Variants in ADAM22 observed in about 807,000 individuals in gnomAD.
The protein encoded by ADAM22 is disintegrin and metalloproteinase domain-containing protein 22.
ADAM22 carries 65 observed loss-of-function variants against 144.6 expected under a neutral mutation model. The observed-to-expected ratio is 0.45, with a 90% CI of 0.37 to 0.55. The LOEUF is 0.55. Among genes scored for constraint, ADAM22 ranks in the 20% least tolerant of loss-of-function variants. The probability of loss-of-function intolerance (pLI) is 0.00; values close to 1 mark genes in which losing one functional copy is unlikely to be tolerated. For missense variants in ADAM22, 974 were observed against 1,184.9 expected (o/e 0.82, Z 2.61); for synonymous variants, 391 against 412.6 (o/e 0.95, Z 0.63).
intron 3 of ADAM22, among the ~76,000 whole-genome samples, chr7:87,986,367 A>T (rs2129450608): frequency 6.6e-6 from 1 of 152,282 alleles, no homozygotes; most frequent in East Asian, 1.9e-4. Context: ...TTGGCTGCAA[A>T]GTCCAGAGCA....
intron 3 of ADAM22, among the ~76,000 whole-genome samples, chr7:87,985,189 T>C (rs1391503782): frequency 3.3e-5 from 5 of 151,490 alleles, no homozygotes; most frequent in African/African-American, 9.7e-5. Flanking sequence ...GGCAGGCGCC[T>C]GTAGTCCCGG....
At chr7:87,998,536 G>A (rs906881996) in intron 3 of ADAM22, among the ~76,000 whole-genome samples, 1 of 152,056 alleles carries the variant, frequency 6.6e-6, no homozygotes, top group Non-Finnish European at 1.5e-5. Context: ...GACTACAGGT[G>A]CACGCCACAA....
chr7:88,161,754 A>G (rs762032299), intron 22 of ADAM22, among the ~76,000 whole-genome samples: 7 of 152,144 alleles, frequency 4.6e-5, no homozygotes, highest in Non-Finnish European at 1.0e-4. Flanking sequence ...AAAAACCACC[A>G]TAAGATACCA....
chr7:88,181,705 T>C, intron 28 of ADAM22, 100 bp downstream of exon 28: 1 of 1,048,276 alleles, frequency 9.5e-7, no homozygotes, highest in Non-Finnish European at 1.4e-6. Flanking sequence ...GCTCTTTAGC[T>C]CTTCTCCCAA....
At chr7:88,033,719 C>T (rs1254904398) in intron 3 of ADAM22, among the ~76,000 whole-genome samples, 3 of 152,176 alleles carry the variant, frequency 2.0e-5, no homozygotes, top group African/African-American at 7.2e-5. Context: ...AGAAATCTAC[C>T]TGGTGCTCCA....
chr7:88,192,986 G>A, intron 30 of ADAM22, 130 bp from the exon 31 acceptor site: 1 of 1,050,666 alleles, frequency 9.5e-7, no homozygotes, highest in Non-Finnish European at 1.4e-6. Context: ...TATCTTCCCA[G>A]TAGTTAAATC....
At chr7:88,047,673 T>G (rs1483495283) in intron 3 of ADAM22, among the ~76,000 whole-genome samples, 1 of 152,192 alleles carries the variant, frequency 6.6e-6, no homozygotes, top group Non-Finnish European at 1.5e-5. Context: ...AAGATACTAC[T>G]AATTATTTTA....
intron 4 of ADAM22, among the ~76,000 whole-genome samples, chr7:88,095,159 C>G (rs1820913860): frequency 6.6e-6 from 1 of 152,192 alleles, no homozygotes; most frequent in Admixed American, 6.5e-5. Flanking sequence ...TCTGATTCCA[C>G]TCATGACAGG....
intron 3 of ADAM22, among the ~76,000 whole-genome samples, chr7:88,027,308 T>C (rs71570597): frequency 2.6e-4 from 39 of 152,300 alleles, no homozygotes; most frequent in Middle Eastern, 3.4e-3. Context: ...AAGATTGGTG[T>C]TAGTACTTCT....
At chr7:88,080,969 G>T (rs904831634) in intron 4 of ADAM22, among the ~76,000 whole-genome samples, 1 of 152,018 alleles carries the variant, frequency 6.6e-6, no homozygotes, top group Non-Finnish European at 1.5e-5. Flanking sequence ...GAAAAAGAGG[G>T]AATCCTCCCT....
intron 26 of ADAM22, among the ~76,000 whole-genome samples, chr7:88,173,864 T>G (rs540345657): frequency 2.0e-5 from 3 of 152,214 alleles, no homozygotes; most frequent in African/African-American, 7.2e-5. Flanking sequence ...GCATGTGGTC[T>G]TGGAAGACTG....
intron 29 of ADAM22, 90 bp from the exon 30 acceptor site, chr7:88,186,525 G>T: frequency 1.2e-6 from 1 of 852,586 alleles, no homozygotes; most frequent in Non-Finnish European, 2.0e-6. Context: ...GCATTTGGAG[G>T]GTGAAGACAT....
intron 31 of ADAM22, among the ~76,000 whole-genome samples, chr7:88,195,665 G>A (rs954163747): frequency 2.0e-5 from 3 of 151,894 alleles, no homozygotes; most frequent in African/African-American, 2.4e-5. Context: ...ACAGGTGCCC[G>A]CCACCACGCC....
chr7:88,047,797 C>T (rs1210283003), intron 3 of ADAM22, among the ~76,000 whole-genome samples: 1 of 151,770 alleles, frequency 6.6e-6, no homozygotes, highest in Non-Finnish European at 1.5e-5. Context: ...TTTAAAGTGC[C>T]ATGATTAGAT....
intron 3 of ADAM22, among the ~76,000 whole-genome samples, chr7:88,015,539 T>G (rs574336907): frequency 2.2e-4 from 34 of 152,248 alleles, no homozygotes; most frequent in Non-Finnish European, 4.3e-4. Context: ...GGAATATGGT[T>G]TGATCAAATA....
chr7:88,078,001 C>T (rs1329148933), intron 4 of ADAM22, among the ~76,000 whole-genome samples: 1 of 152,214 alleles, frequency 6.6e-6, no homozygotes, highest in Non-Finnish European at 1.5e-5. Flanking sequence ...AGTAGTGGTT[C>T]TCCTAGCACG....
chr7:88,060,978 C>T (rs1452356326), intron 3 of ADAM22, among the ~76,000 whole-genome samples: 1 of 151,712 alleles, frequency 6.6e-6, no homozygotes, highest in Non-Finnish European at 1.5e-5. Flanking sequence ...GTGGCAGGCA[C>T]CTGTAGTCCC....
chr7:88,050,898 C>G (rs1806138897), intron 3 of ADAM22, among the ~76,000 whole-genome samples: 1 of 152,074 alleles, frequency 6.6e-6, no homozygotes. Context: ...CTTTTGTTGC[C>G]ATTGCTTTTG....
chr7:88,001,433 G>T (rs1792529796), intron 3 of ADAM22, among the ~76,000 whole-genome samples: 1 of 152,116 alleles, frequency 6.6e-6, no homozygotes, highest in Non-Finnish European at 1.5e-5. Flanking sequence ...TTGAATTTTG[G>T]ATTTTAGGGT....
Sources: gnomAD v4.1 joint callset for allele counts (sites outside exome capture counted in the v4.1 genomes callset) on GRCh38, gnomAD v4.1.1 for gene constraint, MANE v1.5 for transcripts, NCBI Gene and HGNC (gene_info 2026-07-23, HGNC 2026-07-21) for gene names.